Variants in ADRA1B observed in about 807,000 individuals in gnomAD.
ADRA1B encodes the protein adrenoceptor alpha 1B.
Under a neutral mutation model 17.9 loss-of-function variants are expected in ADRA1B, and 17 were observed. The ratio of observed to expected loss-of-function variants is 0.95; its 90% CI spans 0.65 to 1.42. The LOEUF (loss-of-function observed/expected upper bound fraction) is 1.42, where lower values mean the gene tolerates loss of function less well. Ranked by LOEUF, ADRA1B falls within the 40% of genes most tolerant of loss-of-function variation. The probability of loss-of-function intolerance (pLI) is 0.00; values close to 1 mark genes in which losing one functional copy is unlikely to be tolerated. For synonymous variants in ADRA1B, 366 were observed against 327.6 expected, an observed-to-expected ratio of 1.12 and a Z score of -1.27; for missense variants, 681 against 722.1, an observed-to-expected ratio of 0.94 and a Z score of 0.65.
intron 1 of ADRA1B, among the ~76,000 whole-genome samples, chr5:159,903,082 G>A (rs1284751732): frequency 1.3e-5 from 2 of 152,142 alleles, no homozygotes; most frequent in Non-Finnish European, 2.9e-5. Flanking sequence ...AGAAGGCTCT[G>A]GCCAGTGTCC....
intron 1 of ADRA1B, among the ~76,000 whole-genome samples, chr5:159,887,089 G>A (rs1352901859): frequency 6.6e-6 from 1 of 152,142 alleles, no homozygotes; most frequent in Non-Finnish European, 1.5e-5. Flanking sequence ...ACAGGTGTCA[G>A]ACTCATTCAA....
At chr5:159,980,479 A>G in the ADRA1B span, among the ~76,000 whole-genome samples, 1 of 152,184 alleles carries the variant, frequency 6.6e-6, no homozygotes, top group Non-Finnish European at 1.5e-5. Context: ...TATGATGCCC[A>G]AAACATAGCT....
In ADRA1B at chr5:159,938,921, G is replaced by A. The variant is rs138288871; in HGVS notation, c.949+21067G>A. 6.7e-3 allele frequency among the ~76,000 whole-genome samples: 1,019 copies of A among 152,290 alleles called. 10 individuals are homozygous for A. The highest frequency in any genetic ancestry group is 0.022 in the African/African-American group (915 of 41,564). On this transcript the variant is annotated intron_variant, in intron 1 of 1. Transcript: ENST00000306675. The stretch of plus-strand genomic sequence containing the variant: ...ATCTAAATTTGGGGGCAGCCAGTCC[G>A]AAACTATCTTAGCTTTCCAAAAGTC...
chr5:159,901,640 T>C (rs1754102365), intron 1 of ADRA1B, among the ~76,000 whole-genome samples: 1 of 152,168 alleles, frequency 6.6e-6, no homozygotes, highest in African/African-American at 2.4e-5. Flanking sequence ...TCTCAGCATG[T>C]AGAAGTAGAT....
At chr5:159,987,926 C>A in the ADRA1B span, among the ~76,000 whole-genome samples, 1 of 152,072 alleles carries the variant, frequency 6.6e-6, no homozygotes, top group African/African-American at 2.4e-5. Flanking sequence ...TGAAGAATGC[C>A]CCCCCTCGGC....
chr5:159,914,611 T>G (rs1184621289), upstream of ADRA1B, among the ~76,000 whole-genome samples: 2 of 152,238 alleles, frequency 1.3e-5, no homozygotes, highest in Non-Finnish European at 2.9e-5. Flanking sequence ...TTGTGTATTT[T>G]GCACATGTGT....
intron 1 of ADRA1B, among the ~76,000 whole-genome samples, chr5:159,881,299 T>TTCTCTCTG (rs56069000): frequency 0.061 from 8,046 of 131,982 alleles, 598 homozygotes; most frequent in Middle Eastern, 0.094. Context: ...TATCAGAAAG[T>TTCTCTCTG]TCTCTCTCTC....
intron 1 of ADRA1B, among the ~76,000 whole-genome samples, chr5:159,971,141 T>C (rs2113297941): frequency 6.6e-6 from 1 of 152,332 alleles, no homozygotes; most frequent in South Asian, 2.1e-4. Flanking sequence ...ATTTTGATTA[T>C]CTTTTCATAT....
At chr5:159,944,897 G>C (rs1755226496) in intron 1 of ADRA1B, among the ~76,000 whole-genome samples, 1 of 152,102 alleles carries the variant, frequency 6.6e-6, no homozygotes, top group Non-Finnish European at 1.5e-5. Context: ...CTGCCTCCAT[G>C]AAGCTTACAG....
At chr5:159,953,388 G>A (rs940964383) in intron 1 of ADRA1B, among the ~76,000 whole-genome samples, 6 of 152,056 alleles carry the variant, frequency 3.9e-5, no homozygotes, top group African/African-American at 9.7e-5. Flanking sequence ...AAAAGATAGT[G>A]GCAATGTCAA....
the ADRA1B span, among the ~76,000 whole-genome samples, chr5:159,980,476 C>T: frequency 6.6e-6 from 1 of 152,118 alleles, no homozygotes; most frequent in Non-Finnish European, 1.5e-5. Context: ...GATTATGATG[C>T]CCAAAACATA....
chr5:159,896,565 G>A (rs1754043242), intron 1 of ADRA1B, among the ~76,000 whole-genome samples: 1 of 152,202 alleles, frequency 6.6e-6, no homozygotes, highest in Non-Finnish European at 1.5e-5. Context: ...ACTGTTTAGT[G>A]AATGTGGGCA....
chr5:159,887,361 G>A (rs941450082), intron 1 of ADRA1B, among the ~76,000 whole-genome samples: 1 of 152,186 alleles, frequency 6.6e-6, no homozygotes, highest in Non-Finnish European at 1.5e-5. Flanking sequence ...TTTCAAGAGG[G>A]AATGTCAGTT....
chr5:159,971,853 C>CGGGGGGGGGGGGGGGGGGGGG, intron 1 of ADRA1B, 26 bp from the exon 2 acceptor site: 3 of 1,305,872 alleles, frequency 2.3e-6, no homozygotes, highest in African/African-American at 3.0e-5. Context: ...TCTTTCTGCC[C>CGGGGGGGGGGGGGGGGGGGGG]GTGCCCACCC....
chr5:159,913,250 G>C (rs1475191564), upstream of ADRA1B, among the ~76,000 whole-genome samples: 1 of 152,148 alleles, frequency 6.6e-6, no homozygotes, highest in Non-Finnish European at 1.5e-5. Context: ...CTTTGCCCCA[G>C]GGAGTACCGA....
At chr5:159,952,772 AGATCCCCACTATCTTCT>A (rs1277949379) in intron 1 of ADRA1B, among the ~76,000 whole-genome samples, 5 of 152,224 alleles carry the variant, frequency 3.3e-5, no homozygotes, top group Admixed American at 2.6e-4. Context: ...TATAAAATTC[AGATCCCCACTATCTTCT>A]GTATTTTTCT....
intron 1 of ADRA1B, among the ~76,000 whole-genome samples, chr5:159,883,560 G>A (rs1413353417): frequency 1.3e-5 from 2 of 152,186 alleles, no homozygotes; most frequent in Non-Finnish European, 2.9e-5. Context: ...GGTTCTCCTA[G>A]AAGGCCTACA....
At chr5:159,988,470 C>T in the ADRA1B span, among the ~76,000 whole-genome samples, 1 of 152,206 alleles carries the variant, frequency 6.6e-6, no homozygotes, top group Admixed American at 6.5e-5. Flanking sequence ...AGGTGTCAGA[C>T]TCTAAAAGTG....
chr5:159,958,793 T>C (rs753371176), intron 1 of ADRA1B, among the ~76,000 whole-genome samples: 4 of 152,220 alleles, frequency 2.6e-5, no homozygotes, highest in Non-Finnish European at 5.9e-5. Flanking sequence ...TATGACCCTT[T>C]ATAAAGTTTT....
Sources: allele counts gnomAD v4.1 joint callset (sites outside exome capture counted in the v4.1 genomes callset), GRCh38; gene constraint gnomAD v4.1.1; transcripts MANE v1.5; gene names NCBI Gene and HGNC (gene_info 2026-07-23, HGNC 2026-07-21).